The following RSPO2 variants were observed in gnomAD, a reference collection of about 807,000 sequenced individuals.
RSPO2 encodes R-spondin 2, also known as R-spondin-2.
A neutral mutation model predicts 30.9 loss-of-function variants in RSPO2; 14 were observed. The observed-to-expected ratio is 0.45, with a 90% CI of 0.30 to 0.71. RSPO2 has a LOEUF of 0.71. Among genes scored for constraint, RSPO2 ranks in the 30% least tolerant of loss-of-function variants. RSPO2 has a pLI of 0.08. For synonymous variants in RSPO2, 107 were observed against 96.4 expected, an observed-to-expected ratio of 1.11 and a Z score of -0.64; for missense variants, 264 against 301.9, an observed-to-expected ratio of 0.87 and a Z score of 0.93.
At chr8:108,031,333 A>T (rs961980831) in intron 2 of RSPO2, among the ~76,000 whole-genome samples, 1 of 152,240 alleles carries the variant, frequency 6.6e-6, no homozygotes, top group African/African-American at 2.4e-5. Flanking sequence ...GAGTAAACAC[A>T]TGGAGTCCAT....
Position 107,983,230 on chromosome 8 carries a change from G to A in RSPO2, c.283+5826C>T, listed in dbSNP as rs570777963. The A allele has an allele frequency of 3.8e-6, 6 of 1,580,594 alleles. No individual in the cohort carries two copies. In the East Asian group the frequency reaches 1.1e-4, roughly 29 times the overall value. On this transcript the variant is annotated intron_variant, in intron 3 of 5. Transcript: ENST00000276659. ...TATTTCTTGTCACAAAAAGGCTGCA[G>A]CGTATCTTTCTGAAGCTATGAAGCT...
At chr8:108,006,555 C>A (rs1377999538) in intron 2 of RSPO2, among the ~76,000 whole-genome samples, 1 of 150,340 alleles carries the variant, frequency 6.7e-6, no homozygotes, top group East Asian at 2.0e-4. Context: ...GACAAGAAGG[C>A]TCTAATTATT....
rs549472190 is a variant in RSPO2, at chr8:107,902,330, T to C, written c.617-1140A>G. Among the ~76,000 whole-genome samples the C allele has an allele frequency of 4.6e-5, 7 of 152,264 alleles. No homozygotes were observed. The South Asian group carries it at 1.4e-3, about 32-fold the overall frequency. ...TCTTGTAATTCTATAAAGCTTAACT[T>C]TTCTCTTCCTGTAAGGTGTAGCTAT... On this transcript the variant is annotated intron_variant, in intron 5 of 5. Transcript: ENST00000276659.
intron 2 of RSPO2, among the ~76,000 whole-genome samples, chr8:108,075,245 C>T (rs962711783): frequency 6.6e-6 from 1 of 152,190 alleles, no homozygotes; most frequent in Non-Finnish European, 1.5e-5. Context: ...TTTTGGGAGG[C>T]CAAGGCGGGA....
rs570515404 is a variant in RSPO2 at position 108,012,676 on chromosome 8, T to A, written c.95-23432A>T. 3.3e-5 allele frequency among the ~76,000 whole-genome samples: 5 copies of A among 152,276 alleles called. No individual in the cohort carries two copies. In the East Asian group the frequency reaches 9.6e-4, roughly 29 times the overall value. On this transcript the variant is annotated intron_variant, in intron 2 of 5. Coordinates refer to ENST00000276659, the MANE Select transcript of RSPO2 (RefSeq NM_178565.5). ...TCCAAAAGTAGGGGCTCTATTCCTA[T>A]GGTAATTAATTGATCCTATTCAACC...
At chr8:107,923,124 C>G (rs766948517) in intron 5 of RSPO2, among the ~76,000 whole-genome samples, 14 of 152,046 alleles carry the variant, frequency 9.2e-5, no homozygotes, top group Non-Finnish European at 1.2e-4. Context: ...AAGAAACCAT[C>G]AATAGAGTAA....
At chr8:107,953,717 T>C (rs1813327403) in intron 5 of RSPO2, among the ~76,000 whole-genome samples, 1 of 152,142 alleles carries the variant, frequency 6.6e-6, no homozygotes, top group African/African-American at 2.4e-5. Flanking sequence ...AGGTATCACT[T>C]TGGACCAGTC....
chr8:107,908,392 TAA>T, intron 5 of RSPO2, among the ~76,000 whole-genome samples: 1 of 152,284 alleles, frequency 6.6e-6, no homozygotes, highest in East Asian at 1.9e-4. Context: ...GAGATAGTTT[TAA>T]AACTATCTAA....
intron 2 of RSPO2, among the ~76,000 whole-genome samples, chr8:108,005,629 AT>A (rs1815428629): frequency 6.6e-6 from 1 of 152,128 alleles, no homozygotes; most frequent in East Asian, 1.9e-4. Flanking sequence ...TACTCAGATT[AT>A]TCTAGATTTG....
At chr8:107,974,707 G>A (rs1416938750) in intron 3 of RSPO2, among the ~76,000 whole-genome samples, 4 of 152,060 alleles carry the variant, frequency 2.6e-5, no homozygotes, top group African/African-American at 9.6e-5. Context: ...GGAGAGAGGG[G>A]AGAGGAAAAA....
intron 2 of RSPO2, among the ~76,000 whole-genome samples, chr8:108,062,331 G>T (rs1052375814): frequency 6.6e-6 from 1 of 151,740 alleles, no homozygotes; most frequent in Non-Finnish European, 1.5e-5. Context: ...TCAAATAGAT[G>T]CAATAAAATA....
rs189265756 is a variant in RSPO2, at chr8:107,945,310, G to A, written c.616+12770C>T. ...GTCACCCAGGCTGGAGTGCAGTGGC[G>A]CGATCTCGGCTCACTACAAGCTCCG... On this transcript the variant is annotated intron_variant, in intron 5 of 5. Transcript: ENST00000276659. Among the ~76,000 whole-genome samples the A allele has an allele frequency of 4.9e-3, 699 of 143,202 alleles. 10 individuals are homozygous for A. The highest frequency in any genetic ancestry group is 0.018 in the African/African-American group (670 of 37,694). The allele number at this position is 143,202 out of a possible 152,430, so 93.9% of individuals were successfully genotyped here. A position where few individuals can be genotyped will look rare whatever the true frequency, so the allele number is the denominator to read the frequency against.
At chr8:108,036,723 G>A (rs1221599787) in intron 2 of RSPO2, among the ~76,000 whole-genome samples, 1 of 152,168 alleles carries the variant, frequency 6.6e-6, no homozygotes. Flanking sequence ...TATATTGAAG[G>A]TTTCTGGCAA....
At position 107,962,248 on chromosome 8, in the gene RSPO2, G is replaced by C. The variant is rs979304195; in HGVS notation, c.284-1431C>G. Among the ~76,000 whole-genome samples, 5 of 152,042 alleles carry C rather than the reference G, an allele frequency of 3.3e-5. No individual in the cohort carries two copies. The East Asian group carries it at 9.6e-4, about 29-fold the overall frequency. On this transcript the variant is annotated intron_variant, in intron 3 of 5. Coordinates refer to ENST00000276659, the MANE Select transcript of RSPO2 (RefSeq NM_178565.5). ...AATGTAGCCAAAATGTTAAATCACT[G>C]AAGATTTCAGTGATTTAAAGGCTAA...
intron 5 of RSPO2, among the ~76,000 whole-genome samples, chr8:107,902,997 AAAGTTAC>A (rs1157722885): frequency 6.6e-6 from 1 of 152,136 alleles, no homozygotes; most frequent in African/African-American, 2.4e-5. Flanking sequence ...AAGCAGCTGT[AAAGTTAC>A]AACTATTTAG....
intron 2 of RSPO2, among the ~76,000 whole-genome samples, chr8:108,024,272 C>T (rs1220598168): frequency 6.6e-6 from 1 of 152,116 alleles, no homozygotes; most frequent in African/African-American, 2.4e-5. Context: ...GCGGTCTGCA[C>T]CTACAGACTA....
intron 2 of RSPO2, among the ~76,000 whole-genome samples, chr8:108,042,772 A>C (rs75052634): frequency 0.059 from 8,937 of 152,140 alleles, 764 homozygotes; most frequent in African/African-American, 0.19. Context: ...TGAAGGATGC[A>C]TGAAACTGGC....
chr8:108,029,926 T>C (rs1330027655), intron 2 of RSPO2, among the ~76,000 whole-genome samples: 1 of 152,122 alleles, frequency 6.6e-6, no homozygotes, highest in Admixed American at 6.5e-5. Flanking sequence ...TCCTTGTCCT[T>C]GTAAAGTTCA....
At chr8:107,908,037 TG>T (rs1811709907) in intron 5 of RSPO2, among the ~76,000 whole-genome samples, 1 of 152,114 alleles carries the variant, frequency 6.6e-6, no homozygotes, top group Admixed American at 6.6e-5. Context: ...ACAAATGAAC[TG>T]TATTCAGAAA....
Sources: gnomAD v4.1 joint callset for allele counts (sites outside exome capture counted in the v4.1 genomes callset) on GRCh38, gnomAD v4.1.1 for gene constraint, MANE v1.5 for transcripts, NCBI Gene and HGNC (gene_info 2026-07-23, HGNC 2026-07-21) for gene names.